The following PDE3B variants were observed in gnomAD, a reference collection of about 807,000 sequenced individuals.
PDE3B encodes phosphodiesterase 3B.
In PDE3B, 66 loss-of-function variants were observed where a neutral mutation model predicts 116.8. The ratio of observed to expected loss-of-function variants is 0.56; its 90% CI spans 0.46 to 0.69. PDE3B has a LOEUF of 0.69. Ranked by LOEUF, PDE3B falls within the 30% of genes least tolerant of loss-of-function variation. PDE3B has a pLI of 0.00. For synonymous variants in PDE3B, 595 were observed against 533.6 expected (o/e 1.12, Z -1.59); for missense variants, 1,384 against 1,368.1 (o/e 1.01, Z -0.18).
chr11:14,848,290 C>A (rs1480188855), intron 12 of PDE3B, among the ~76,000 whole-genome samples: 3 of 138,114 alleles, frequency 2.2e-5, no homozygotes, highest in African/African-American at 8.2e-5. Flanking sequence ...ATTCAACAAC[C>A]CTTCATGCTA....
intron 15 of PDE3B, among the ~76,000 whole-genome samples, chr11:14,869,203 C>T (rs1848101246): frequency 6.6e-6 from 1 of 151,966 alleles, no homozygotes; most frequent in Non-Finnish European, 1.5e-5. Flanking sequence ...TGTTTTTATC[C>T]GTAACAATAC....
At chr11:14,707,742 A>C (rs552579742) in intron 1 of PDE3B, among the ~76,000 whole-genome samples, 1 of 152,092 alleles carries the variant, frequency 6.6e-6, no homozygotes, top group South Asian at 2.1e-4. Context: ...TTGATATTTT[A>C]CTGAGAGTGT....
intron 4 of PDE3B, among the ~76,000 whole-genome samples, chr11:14,800,488 C>G (rs907196852): frequency 2.0e-5 from 3 of 152,094 alleles, no homozygotes; most frequent in African/African-American, 4.8e-5. Context: ...GGCCCTCATT[C>G]TATTCTGGCT....
intron 1 of PDE3B, among the ~76,000 whole-genome samples, chr11:14,744,015 G>A (rs1010795587): frequency 2.0e-5 from 3 of 152,192 alleles, no homozygotes; most frequent in Non-Finnish European, 4.4e-5. Context: ...CGACCATCTT[G>A]CCAGCCACTA....
intron 2 of PDE3B, chr11:14,775,217 A>G (rs1288235977): frequency 6.6e-6 from 1 of 152,212 alleles, no homozygotes; most frequent in Admixed American, 6.5e-5. Context: ...TGGTCCCAAC[A>G]TGTCTTTCCA....
intron 11 of PDE3B, among the ~76,000 whole-genome samples, chr11:14,842,356 TA>T (rs1231636113): frequency 1.3e-5 from 2 of 152,238 alleles, no homozygotes; most frequent in African/African-American, 4.8e-5. Context: ...TCCTAATATA[TA>T]AATTCCAAGT....
intron 1 of PDE3B, among the ~76,000 whole-genome samples, chr11:14,761,361 A>C (rs535694573): frequency 2.0e-5 from 3 of 152,262 alleles, no homozygotes; most frequent in Admixed American, 2.0e-4. Flanking sequence ...CTCAGTTTAG[A>C]TAGGATTACT....
At chr11:14,798,946 A>T (rs1230314900) in intron 4 of PDE3B, among the ~76,000 whole-genome samples, 1 of 151,400 alleles carries the variant, frequency 6.6e-6, no homozygotes, top group Non-Finnish European at 1.5e-5. Flanking sequence ...TTCTGTTCTG[A>T]TCTTAGTTAT....
At chr11:14,667,184 A>C (rs1407192062) in intron 1 of PDE3B, among the ~76,000 whole-genome samples, 1 of 151,764 alleles carries the variant, frequency 6.6e-6, no homozygotes, top group Non-Finnish European at 1.5e-5. Context: ...TATCGCAAGG[A>C]CAAAAAACCA....
downstream of PDE3B, among the ~76,000 whole-genome samples, chr11:14,873,296 C>T (rs574316028): frequency 1.3e-5 from 2 of 152,240 alleles, no homozygotes; most frequent in East Asian, 3.9e-4. Context: ...ATGAAAGTTA[C>T]CTGATACATG....
At chr11:14,752,395 G>A (rs922728202) in intron 1 of PDE3B, among the ~76,000 whole-genome samples, 2 of 152,050 alleles carry the variant, frequency 1.3e-5, no homozygotes, top group African/African-American at 4.8e-5. Flanking sequence ...TGTTGTTGTT[G>A]TTCTATCTTG....
chr11:14,846,958 A>G (rs1847618770), intron 12 of PDE3B, among the ~76,000 whole-genome samples: 1 of 152,232 alleles, frequency 6.6e-6, no homozygotes, highest in Non-Finnish European at 1.5e-5. Flanking sequence ...AAGGATACCC[A>G]GGAATTGAAC....
chr11:14,646,588 C>T (rs1379391393), intron 1 of PDE3B, among the ~76,000 whole-genome samples: 1 of 152,124 alleles, frequency 6.6e-6, no homozygotes, highest in East Asian at 1.9e-4. Flanking sequence ...GAACAAATTG[C>T]ATTTTTTAAC....
the PDE3B span, chr11:14,880,848 G>C: frequency 7.4e-7 from 1 of 1,359,594 alleles, no homozygotes; most frequent in East Asian, 2.5e-5. Context: ...TTTTTTTAAT[G>C]GATGGTTAGT....
In PDE3B at chr11:14,834,583, C is replaced by G. The variant is rs1369273795; in HGVS notation, c.2207-399C>G. On this transcript the variant is annotated intron_variant, in intron 10 of 15. Coordinates refer to ENST00000282096, the MANE Select transcript of PDE3B (RefSeq NM_000922.4). ...AAGCCTGAGACATAGTATTTCTGAC[C>G]TTTTTGTGGGGGACACAAATGTAAG... Among the ~76,000 whole-genome samples the G allele has an allele frequency of 2.0e-5, 3 of 152,270 alleles. No individual in the cohort carries two copies. The East Asian group carries it at 5.8e-4, about 29-fold the overall frequency.
chr11:14,846,689 T>C lies in PDE3B; in HGVS notation c.2520+2663T>C, dbSNP rs976804715. ...AACAAAAAAAGGCAGGGGTTGCAAT[T>C]CTAGTCTCTGATAAAACAGACTTTA... On this transcript the variant is annotated intron_variant, in intron 12 of 15. Coordinates refer to ENST00000282096, the MANE Select transcript of PDE3B (RefSeq NM_000922.4). Among the ~76,000 whole-genome samples the C allele has an allele frequency of 5.1e-3, 774 of 151,884 alleles. 9 individuals carry two copies. The highest frequency in any genetic ancestry group is 0.018 in the African/African-American group (729 of 41,368).
At chr11:14,765,616 G>T (rs917562877) in intron 1 of PDE3B, among the ~76,000 whole-genome samples, 1 of 151,520 alleles carries the variant, frequency 6.6e-6, no homozygotes, top group Non-Finnish European at 1.5e-5. Flanking sequence ...AGTATGAAAA[G>T]AAATAATAAT....
chr11:14,798,905 G>T (rs1858651944), intron 4 of PDE3B, among the ~76,000 whole-genome samples: 1 of 151,782 alleles, frequency 6.6e-6, no homozygotes, highest in Admixed American at 6.6e-5. Context: ...TTGATTTTTT[G>T]AAGGGTTTTT....
At chr11:14,825,788 T>C (rs1289696785) in intron 7 of PDE3B, among the ~76,000 whole-genome samples, 1 of 152,190 alleles carries the variant, frequency 6.6e-6, no homozygotes, top group African/African-American at 2.4e-5. Context: ...ATGGATCTGA[T>C]AGACCTCTAC....
Sources: allele counts gnomAD v4.1 joint callset (sites outside exome capture counted in the v4.1 genomes callset), GRCh38; gene constraint gnomAD v4.1.1; transcripts MANE v1.5; gene names NCBI Gene and HGNC (gene_info 2026-07-23, HGNC 2026-07-21).